The following PARD3B variants were observed in gnomAD, a reference collection of about 807,000 sequenced individuals.
The protein encoded by PARD3B is par-3 family cell polarity regulator beta, also known as partitioning defective 3 homolog B.
A neutral mutation model predicts 130.2 loss-of-function variants in PARD3B; 103 were observed. The observed-to-expected ratio is 0.79, with a 90% CI of 0.67 to 0.93. The LOEUF (loss-of-function observed/expected upper bound fraction) is 0.93. Ranked by LOEUF, PARD3B falls within the 40% of genes least tolerant of loss-of-function variation. PARD3B has a pLI of 0.00. For missense variants in PARD3B, 1,609 were observed against 1,499.2 expected, an observed-to-expected ratio of 1.07 and a Z score of -1.21; for synonymous variants, 583 against 553.2, an observed-to-expected ratio of 1.05 and a Z score of -0.76.
At chr2:205,419,704 A>G (rs756075081) in intron 19 of PARD3B, among the ~76,000 whole-genome samples, 2 of 152,192 alleles carry the variant, frequency 1.3e-5, no homozygotes, top group Admixed American at 6.5e-5. Flanking sequence ...ACTAGCCAGG[A>G]GGGAAACGGG....
chr2:205,329,680 T>C (rs569204820), intron 18 of PARD3B, among the ~76,000 whole-genome samples: 17 of 152,208 alleles, frequency 1.1e-4, no homozygotes, highest in African/African-American at 4.1e-4. Flanking sequence ...CCTCAGAAGA[T>C]TGAGGAAATA....
At chr2:205,481,742 A>T (rs1042188385) in intron 20 of PARD3B, among the ~76,000 whole-genome samples, 2 of 152,214 alleles carry the variant, frequency 1.3e-5, no homozygotes, top group African/African-American at 4.8e-5. Context: ...AGGTTACACA[A>T]CTACTCTAAG....
intron 2 of PARD3B, among the ~76,000 whole-genome samples, chr2:204,911,388 C>CCTGA (rs2047229719): frequency 6.6e-6 from 1 of 152,192 alleles, no homozygotes; most frequent in Non-Finnish European, 1.5e-5. Flanking sequence ...GTGGTGTTCA[C>CCTGA]CTGACTAACA....
chr2:205,353,911 T>C (rs2044084528), intron 18 of PARD3B, among the ~76,000 whole-genome samples: 1 of 152,032 alleles, frequency 6.6e-6, no homozygotes, highest in African/African-American at 2.4e-5. Flanking sequence ...TCAAGAAGGT[T>C]AATAGGGGAG....
chr2:204,717,151 G>T (rs1442500222), intron 2 of PARD3B, among the ~76,000 whole-genome samples: 1 of 152,128 alleles, frequency 6.6e-6, no homozygotes, highest in African/African-American at 2.4e-5. Context: ...AGTGATCTAA[G>T]ATTTAGAAGC....
chr2:205,151,564 A>C (rs923402682), intron 10 of PARD3B, among the ~76,000 whole-genome samples: 14 of 152,080 alleles, frequency 9.2e-5, no homozygotes, highest in Non-Finnish European at 1.5e-5. Flanking sequence ...AGTCTGTTTT[A>C]TCAGAGACTA....
At chr2:205,172,175 C>G in intron 11 of PARD3B, 36 bp from the exon 12 acceptor site, 1 of 1,598,570 alleles carries the variant, frequency 6.3e-7, no homozygotes, top group Non-Finnish European at 8.6e-7. Flanking sequence ...CCATACTTTT[C>G]TCTGTTGAAT....
intron 18 of PARD3B, chr2:205,347,868 G>C (rs2043849792): frequency 6.6e-6 from 1 of 152,230 alleles, no homozygotes; most frequent in Non-Finnish European, 1.5e-5. Context: ...TTGCTGGTTG[G>C]ATCTTCCAGG....
chr2:205,208,747 A>G (rs888297044), intron 15 of PARD3B, among the ~76,000 whole-genome samples: 18 of 145,600 alleles, frequency 1.2e-4, no homozygotes, highest in Admixed American at 1.1e-3. Context: ...AGAACATTCC[A>G]TGCTCATGGG....
At chr2:204,700,088 C>T (rs1025815582) in intron 2 of PARD3B, among the ~76,000 whole-genome samples, 7 of 152,034 alleles carry the variant, frequency 4.6e-5, no homozygotes, top group African/African-American at 7.2e-5. Context: ...AAAAATCCTG[C>T]AGTACTGTTC....
At chr2:204,558,067 C>G (rs1441159275) in intron 1 of PARD3B, 1 of 152,110 alleles carries the variant, frequency 6.6e-6, no homozygotes, top group East Asian at 1.9e-4. Flanking sequence ...GAGCCTGCCT[C>G]CTGTTGCTGA....
Position 205,375,803 on chromosome 2 carries a change from G to A in PARD3B, c.2631-25210G>A, listed in dbSNP as rs569540483. Among the ~76,000 whole-genome samples the A allele has an allele frequency of 3.9e-5, 6 of 152,320 alleles. No individual in the cohort carries two copies. In the South Asian group the frequency reaches 1.2e-3, roughly 32 times the overall value. On this transcript the variant is annotated intron_variant, in intron 18 of 22. Coordinates refer to ENST00000406610, the MANE Select transcript of PARD3B (RefSeq NM_001302769.2). The stretch of plus-strand genomic sequence containing the variant: ...AGAAGCCTCTGGACAGACTAGAGGA[G>A]AGGTCTTATTTTTAGGTAGTAGACT...
intron 1 of PARD3B, among the ~76,000 whole-genome samples, chr2:204,584,443 A>G (rs1279946994): frequency 6.6e-6 from 1 of 152,202 alleles, no homozygotes; most frequent in African/African-American, 2.4e-5. Flanking sequence ...AGAACTAAAA[A>G]TAAGCTCATT....
At chr2:205,383,241 C>G (rs765329223) in intron 18 of PARD3B, among the ~76,000 whole-genome samples, 5 of 152,032 alleles carry the variant, frequency 3.3e-5, no homozygotes, top group Non-Finnish European at 5.9e-5. Flanking sequence ...CAATTCTAAT[C>G]CAATACCACA....
intron 16 of PARD3B, among the ~76,000 whole-genome samples, chr2:205,254,762 T>G (rs2040002639): frequency 6.6e-6 from 1 of 151,230 alleles, no homozygotes; most frequent in African/African-American, 2.4e-5. Context: ...CCCCCGGGGT[T>G]CACGCCATTC....
intron 1 of PARD3B, among the ~76,000 whole-genome samples, chr2:204,562,631 T>C (rs1245994672): frequency 6.6e-6 from 1 of 152,160 alleles, no homozygotes; most frequent in African/African-American, 2.4e-5. Context: ...ATTGGTAACT[T>C]TAAATATTAG....
intron 14 of PARD3B, 51 bp downstream of exon 14, chr2:205,185,914 G>A: frequency 7.0e-7 from 1 of 1,437,366 alleles, no homozygotes; most frequent in East Asian, 2.3e-5. Context: ...GTTTTTCTGG[G>A]AGAACACAGC....
intron 1 of PARD3B, among the ~76,000 whole-genome samples, chr2:204,564,500 G>GCTAA (rs1319672228): frequency 5.3e-5 from 8 of 151,984 alleles, no homozygotes; most frequent in Admixed American, 5.2e-4. Flanking sequence ...CGTTTCATGT[G>GCTAA]CGTTATATCT....
intron 2 of PARD3B, among the ~76,000 whole-genome samples, chr2:204,730,586 A>G (rs1277892470): frequency 3.3e-5 from 2 of 61,240 alleles, no homozygotes; most frequent in South Asian, 4.0e-4. Flanking sequence ...AAAAAAAAAG[A>G]AAAAAAAAAA....
Sources: allele counts gnomAD v4.1 joint callset (sites outside exome capture counted in the v4.1 genomes callset), GRCh38; gene constraint gnomAD v4.1.1; transcripts MANE v1.5; gene names NCBI Gene and HGNC (gene_info 2026-07-23, HGNC 2026-07-21).